Variants in DLC1 observed in about 807,000 individuals in gnomAD.
The protein encoded by DLC1 is DLC1 Rho GTPase activating protein, also known as rho GTPase-activating protein 7.
A neutral mutation model predicts 140.3 loss-of-function variants in DLC1; 54 were observed. The ratio of observed to expected loss-of-function variants is 0.38; its 90% CI spans 0.31 to 0.48. The LOEUF (loss-of-function observed/expected upper bound fraction) is 0.48, where lower values mean the gene tolerates loss of function less well. DLC1 is among the 20% of genes least tolerant of loss of function. The probability of loss-of-function intolerance (pLI) is 0.96; values close to 1 mark genes in which losing one functional copy is unlikely to be tolerated. For synonymous variants in DLC1, 986 were observed against 728.1 expected (o/e 1.35, Z -5.70); for missense variants, 2,536 against 1,907.0 (o/e 1.33, Z -6.14).
intron 5 of DLC1, among the ~76,000 whole-genome samples, chr8:13,217,848 C>A (rs1490058839): frequency 1.4e-3 from 208 of 149,972 alleles, no homozygotes; most frequent in African/African-American, 4.5e-3. Context: ...AAAAAAAAAA[C>A]AACAACAAAA....
At chr8:13,338,041 T>C (rs1454938) in intron 4 of DLC1, among the ~76,000 whole-genome samples, 136,746 of 152,210 alleles carry the variant, frequency 0.9, 62,785 homozygotes, top group East Asian at 1. Context: ...CTTAATATGG[T>C]AGTTAAATGG....
At chr8:13,208,548 G>A (rs924522117) in intron 5 of DLC1, among the ~76,000 whole-genome samples, 1 of 152,130 alleles carries the variant, frequency 6.6e-6, no homozygotes, top group African/African-American at 2.4e-5. Flanking sequence ...CTTTGGTGCA[G>A]GGTTTTTAGA....
In DLC1 at chr8:13,456,063, C is replaced by T. The variant is rs183516968; in HGVS notation, c.1023+42986G>A. On this transcript the variant is annotated intron_variant, in intron 2 of 17. Coordinates refer to ENST00000276297, the MANE Select transcript of DLC1 (RefSeq NM_182643.3). ...TCTAAAGAATTAAAAAGCTTTGTGT[C>T]AAAGGGGAAAAGCATCATTTCTTTT... Among the ~76,000 whole-genome samples, 19 of 152,250 alleles carry T rather than the reference C, an allele frequency of 1.2e-4. No homozygotes were observed. In the East Asian group the frequency reaches 3.7e-3, roughly 29 times the overall value.
chr8:13,133,322 C>T (rs548356099), intron 5 of DLC1: 3 of 1,187,096 alleles, frequency 2.5e-6, no homozygotes, highest in African/African-American at 3.3e-5. Flanking sequence ...CGGGCCCTCC[C>T]GCTGGGCCCA....
chr8:13,459,047 A>G (rs1799539757), intron 2 of DLC1, among the ~76,000 whole-genome samples: 1 of 152,232 alleles, frequency 6.6e-6, no homozygotes, highest in African/African-American at 2.4e-5. Flanking sequence ...CATCCAGCTA[A>G]TGAATAATAT....
At chr8:13,120,419 A>T (rs1820962173) in intron 5 of DLC1, among the ~76,000 whole-genome samples, 1 of 148,672 alleles carries the variant, frequency 6.7e-6, no homozygotes, top group Non-Finnish European at 1.5e-5. Context: ...TGTAACAATG[A>T]ACAAAATCTA....
At chr8:13,357,388 T>G (rs1229529281) in intron 4 of DLC1, among the ~76,000 whole-genome samples, 1 of 152,206 alleles carries the variant, frequency 6.6e-6, no homozygotes, top group African/African-American at 2.4e-5. Context: ...TTGGACAAAT[T>G]TACCCCAGTT....
chr8:13,492,715 C>T (rs997655065), intron 2 of DLC1, among the ~76,000 whole-genome samples: 1 of 152,144 alleles, frequency 6.6e-6, no homozygotes, highest in Non-Finnish European at 1.5e-5. Flanking sequence ...ATTGAAAATG[C>T]TCAATATTTA....
At chr8:13,119,016 C>T (rs1820809096) in intron 5 of DLC1, among the ~76,000 whole-genome samples, 1 of 151,876 alleles carries the variant, frequency 6.6e-6, no homozygotes. Flanking sequence ...ACTGTTTGAG[C>T]CCAGGAGTTC....
intron 2 of DLC1, among the ~76,000 whole-genome samples, chr8:13,415,301 C>T (rs1838002575): frequency 6.6e-6 from 1 of 152,004 alleles, no homozygotes; most frequent in Admixed American, 6.6e-5. Flanking sequence ...TTATTAGTCA[C>T]TTGTTGTGAA....
intron 2 of DLC1, among the ~76,000 whole-genome samples, chr8:13,407,941 T>C (rs138021900): frequency 1.2e-3 from 176 of 152,320 alleles, no homozygotes; most frequent in African/African-American, 4.0e-3. Flanking sequence ...TTCTAGACTT[T>C]CCTTTCTTAA....
rs1018206934 is a variant in DLC1 at position 13,088,775 on chromosome 8, G to A, written c.4075-71C>T. On this transcript the variant is annotated intron_variant, in intron 15 of 17. Coordinates refer to ENST00000276297, the MANE Select transcript of DLC1 (RefSeq NM_182643.3). The stretch of plus-strand genomic sequence containing the variant: ...CCTAGTTTTTGAAGTCGAATTGTTA[G>A]TTAGACTAACAATTTTAGTTACATA... 3 of 1,366,442 alleles carry A rather than the reference G, an allele frequency of 2.2e-6. No individual in the cohort carries two copies. In the African/African-American group the frequency reaches 4.4e-5, roughly 20 times the overall value. 84.6% of individuals were successfully genotyped at this position (1,366,442 alleles called of 1,614,324 possible).
intron 2 of DLC1, among the ~76,000 whole-genome samples, chr8:13,453,515 C>CATATATATATATGTATATATATACATAT (rs1799240520): frequency 8.6e-5 from 2 of 23,312 alleles, no homozygotes; most frequent in Non-Finnish European, 1.4e-4. Context: ...TATATATATA[C>CATATATATATATGTATATATATACATAT]ATATATATAT....
chr8:13,090,316 T>G lies in DLC1; in HGVS notation c.4010A>C (p.Lys1337Thr). Residue 1337 changes from lysine to threonine, a missense_variant, in exon 15 of 18, where the codon AAA becomes ACA. Lys to Thr is a moderately conservative substitution (Grantham distance 78). Coordinates refer to ENST00000276297, the MANE Select transcript of DLC1 (RefSeq NM_182643.3). ...DCVDGLFKEV[K>T]EKFKGWVSYS... is the part of the protein sequence containing the mutation. ...GCTGACCCAGCCTTTAAACTTCTCT[T>G]TGACTTCTTTAAACAGGCCATCCAC... is the stretch of plus-strand genomic sequence containing the variant. The G allele has an allele frequency of 6.2e-7, 1 of 1,614,182 alleles. No individual in the cohort carries two copies. The highest frequency in any genetic ancestry group is 8.5e-7 in the Non-Finnish European group (1 of 1,180,026).
chr8:13,085,851 C>T lies in DLC1; in HGVS notation c.4547G>A (p.Ser1516Asn), dbSNP rs1817509632. The part of the protein sequence containing the change: ...AEVVKIRDSF[S>N]NQNTETKDTK... ...GTCTTTGGTTTCAGTGTTCTGGTTA[C>T]TGAAGGAATCCCGGATCTTTACAAC... Residue 1516 changes from serine to asparagine, a missense_variant, in exon 18 of 18, where the codon AGT becomes AAT. By Grantham distance (46) the Ser-to-Asn change is conservative. Coordinates refer to ENST00000276297, the MANE Select transcript of DLC1 (RefSeq NM_182643.3). The T allele has an allele frequency of 1.2e-6, 2 of 1,614,044 alleles. No individual in the cohort carries two copies. Among genetic ancestry groups the T allele is most frequent in the Non-Finnish European group, 1.7e-6 (2 of 1,180,032 alleles).
At chr8:13,566,616 G>T (rs1310919675) in intron 1 of DLC1, among the ~76,000 whole-genome samples, 1 of 152,138 alleles carries the variant, frequency 6.6e-6, no homozygotes, top group Non-Finnish European at 1.5e-5. Flanking sequence ...AACTCTATTG[G>T]TCTCACACAC....
intron 5 of DLC1, among the ~76,000 whole-genome samples, chr8:13,250,522 A>C (rs986414235): frequency 1.3e-5 from 2 of 152,222 alleles, no homozygotes; most frequent in African/African-American, 4.8e-5. Flanking sequence ...TTTAATCCAC[A>C]TCATCCCAAA....
chr8:13,334,854 A>G (rs1035590693), intron 4 of DLC1, among the ~76,000 whole-genome samples: 2 of 152,214 alleles, frequency 1.3e-5, no homozygotes, highest in Non-Finnish European at 2.9e-5. Context: ...ATCAATGCCT[A>G]TTATGTGGCA....
chr8:13,283,340 CT>C (rs888676122), intron 5 of DLC1, among the ~76,000 whole-genome samples: 28 of 150,470 alleles, frequency 1.9e-4, no homozygotes, highest in African/African-American at 4.1e-4. Flanking sequence ...AAGAAATCAA[CT>C]TTTTTTTTCC....
Sources: allele counts gnomAD v4.1 joint callset (sites outside exome capture counted in the v4.1 genomes callset), GRCh38; gene constraint gnomAD v4.1.1; transcripts MANE v1.5; gene names NCBI Gene and HGNC (gene_info 2026-07-23, HGNC 2026-07-21).